ATG4B: variants seen among roughly 807,000 people sequenced by gnomAD.
ATG4B encodes the protein cysteine protease ATG4B.
Under a neutral mutation model 56.6 loss-of-function variants are expected in ATG4B, and 29 were observed. That is an observed-to-expected ratio of 0.51 (90% CI 0.38 to 0.70). The LOEUF is 0.70. ATG4B is among the 30% of genes least tolerant of loss of function. ATG4B has a pLI of 0.00. For missense variants in ATG4B, 461 were observed against 515.5 expected, an observed-to-expected ratio of 0.89 and a Z score of 1.02; for synonymous variants, 224 against 206.1, an observed-to-expected ratio of 1.09 and a Z score of -0.74.
chr2:241,648,609 A>G (rs757739985), intron 1 of ATG4B, among the ~76,000 whole-genome samples: 8 of 151,408 alleles, frequency 5.3e-5, no homozygotes, highest in Non-Finnish European at 1.0e-4. Flanking sequence ...AAAAAAAAGA[A>G]AAAAAAACAG....
chr2:241,640,068 C>T (rs2067838684), intron 1 of ATG4B, among the ~76,000 whole-genome samples: 1 of 152,154 alleles, frequency 6.6e-6, no homozygotes. Context: ...ATATGAGAGA[C>T]TTGGCTAAGG....
At chr2:241,654,448 TG>T in intron 4 of ATG4B, 97 bp from the exon 5 acceptor site, 1 of 684,438 alleles carries the variant, frequency 1.5e-6, no homozygotes, top group East Asian at 3.0e-5. Flanking sequence ...AAAAAGATTC[TG>T]AAAAAGGTTT....
chr2:241,651,466 A>T lies in ATG4B; in HGVS notation c.184+131A>T. On this transcript the variant is annotated intron_variant, in intron 3 of 12. Coordinates refer to ENST00000404914, the MANE Select transcript of ATG4B (RefSeq NM_013325.5). This position sits in a 1 kb window ranked among gnomAD's most constrained non-coding sequence, Gnocchi z 4.1. ...TCTTCACAGCAATCCTGCTTAACTG[A>T]ATTGGCCGAGGCCTCACGTGTAGTA... is the stretch of plus-strand genomic sequence containing the variant. 1.3e-6 allele frequency: 1 copy of T among 777,588 alleles called. No individual in the cohort carries two copies. The highest frequency in any genetic ancestry group is 2.7e-5 in the East Asian group (1 of 37,276). 48.2% of individuals were successfully genotyped at this position (777,588 alleles called of 1,614,324 possible).
intron 12 of ATG4B, 44 bp downstream of exon 12, chr2:241,671,449 C>T (rs375849748): frequency 3.1e-6 from 5 of 1,605,454 alleles, no homozygotes; most frequent in Non-Finnish European, 4.3e-6. Flanking sequence ...GAGGTACGAT[C>T]TGTGCCCTTG....
rs780611752 is a variant in ATG4B at position 241,673,663 on chromosome 2, C to A, written c.*1399C>A. On this transcript the variant is annotated 3_prime_UTR_variant, in exon 13 of 13. Coordinates refer to ENST00000404914, the MANE Select transcript of ATG4B (RefSeq NM_013325.5). ...AGGGAAGGCTGGTGCGATCTCCATT[C>A]CTTGGGCTCCACGTCCGAGTTCATG... 3.9e-5 allele frequency: 18 copies of A among 456,342 alleles called. No homozygotes were observed. The highest frequency in any genetic ancestry group is 1.4e-4 in the Admixed American group (6 of 42,546). 28.3% of individuals were successfully genotyped at this position (456,342 alleles called of 1,614,324 possible).
chr2:241,645,464 A>G (rs1332421737), intron 1 of ATG4B, among the ~76,000 whole-genome samples: 2 of 152,170 alleles, frequency 1.3e-5, no homozygotes, highest in East Asian at 3.9e-4. Context: ...CCTCCCATCC[A>G]TGCCGGTTCG....
intron 6 of ATG4B, among the ~76,000 whole-genome samples, chr2:241,657,281 CCT>C (rs2068437664): frequency 7.6e-6 from 1 of 132,112 alleles, no homozygotes. Flanking sequence ...GGCCAGGACT[CCT>C]CTCTTTCTTT....
At chr2:241,645,863 C>T (rs776102387) in intron 1 of ATG4B, among the ~76,000 whole-genome samples, 14 of 152,200 alleles carry the variant, frequency 9.2e-5, no homozygotes, top group African/African-American at 1.7e-4. Context: ...CGGGGAGGGC[C>T]GGAGTGCGTT....
At chr2:241,669,023 G>A (rs946859529) in intron 10 of ATG4B, among the ~76,000 whole-genome samples, 1 of 112,716 alleles carries the variant, frequency 8.9e-6, no homozygotes, top group African/African-American at 2.8e-5. Context: ...TTAAACACAC[G>A]GGCGGCCCCT....
At chr2:241,661,518 A>G (rs1283716746) in intron 7 of ATG4B, among the ~76,000 whole-genome samples, 1 of 152,154 alleles carries the variant, frequency 6.6e-6, no homozygotes, top group East Asian at 1.9e-4. Context: ...CGCAAAGCCG[A>G]AGCTAGAGAA....
At chr2:241,654,281 C>T (rs1165131407) in intron 4 of ATG4B, among the ~76,000 whole-genome samples, 1 of 151,858 alleles carries the variant, frequency 6.6e-6, no homozygotes, top group African/African-American at 2.4e-5. Context: ...ATTAGCTAGG[C>T]TTGGTGACAT....
rs1173787232 is a variant in ATG4B at position 241,668,006 on chromosome 2, T to C, written c.733-137T>C. The C allele has an allele frequency of 9.4e-6, 7 of 746,600 alleles. No homozygotes were observed. Among genetic ancestry groups the C allele is most frequent in the Non-Finnish European group, 1.3e-5 (6 of 464,560 alleles). The allele number at this position is 746,600 out of a possible 1,614,324, so 46.2% of individuals were successfully genotyped here. A position where few individuals can be genotyped will look rare whatever the true frequency, so the allele number is the denominator to read the frequency against. Reference sequence around the variant, plus strand: ...GGTCTTTCCTGGACAGTAAGCTCTTTGGTACCATGTCCCCTCCTGTCCCCT... The same window carrying C: ...GGTCTTTCCTGGACAGTAAGCTCTTCGGTACCATGTCCCCTCCTGTCCCCT... On this transcript the variant is annotated intron_variant, in intron 8 of 12. Coordinates refer to ENST00000404914, the MANE Select transcript of ATG4B (RefSeq NM_013325.5). The surrounding 1 kb of genome is among the most constrained non-coding windows in gnomAD (Gnocchi z 4.2).
At chr2:241,653,344 C>A in intron 3 of ATG4B, 168 bp from the exon 4 acceptor site, 1 of 1,549,756 alleles carries the variant, frequency 6.5e-7, no homozygotes. Context: ...GTAAATGTGG[C>A]CCTTGGCGTT....
At chr2:241,664,167 G>A (rs755375972) in intron 7 of ATG4B, among the ~76,000 whole-genome samples, 1 of 151,912 alleles carries the variant, frequency 6.6e-6, no homozygotes, top group Non-Finnish European at 1.5e-5. Context: ...AAATTTATTA[G>A]AACTAACACA....
chr2:241,673,608 C>T lies in ATG4B; in HGVS notation c.*1344C>T. 2.2e-6 allele frequency: 1 copy of T among 456,014 alleles called. No individual in the cohort carries two copies. The highest frequency in any genetic ancestry group is 1.6e-5 in the South Asian group (1 of 64,510). The allele number at this position is 456,014 out of a possible 1,614,324, so 28.2% of individuals were successfully genotyped here. A position where few individuals can be genotyped will look rare whatever the true frequency, so the allele number is the denominator to read the frequency against. On this transcript the variant is annotated 3_prime_UTR_variant, in exon 13 of 13. Coordinates refer to ENST00000404914, the MANE Select transcript of ATG4B (RefSeq NM_013325.5). ...CATAGTGTATTTCCTCGTATCCTTT[C>T]TCCCTTGGGTGTAGTTGGGGTGGGG...
chr2:241,671,692 G>A (rs1185185955), intron 12 of ATG4B: 1 of 1,367,452 alleles, frequency 7.3e-7, no homozygotes, highest in South Asian at 1.5e-5. Flanking sequence ...GGAGCAGACA[G>A]AACATGCAGG....
Position 241,655,299 on chromosome 2 carries a change from C to G in ATG4B, c.414C>G (p.Ser138=). Reference sequence around the variant, plus strand: ...AAATGGGAGTTGGCGAAGGCAAGTCCATAGGCCAGTGGTACGGGCCCAACA... The same window carrying G: ...AAATGGGAGTTGGCGAAGGCAAGTCGATAGGCCAGTGGTACGGGCCCAACA... The part of the protein sequence containing the change: ...IAQMGVGEGK[S]IGQWYGPNTV... Residue 138 remains serine (S), a synonymous_variant, in exon 6 of 13, where the codon TCC becomes TCG. Transcript: ENST00000404914. 1 of 1,612,308 alleles carries G rather than the reference C, an allele frequency of 6.2e-7. No homozygotes were observed. Among genetic ancestry groups the G allele is most frequent in the East Asian group, 2.2e-5 (1 of 44,800 alleles).
chr2:241,662,974 G>A (rs1260946310), intron 7 of ATG4B, among the ~76,000 whole-genome samples: 4 of 152,194 alleles, frequency 2.6e-5, no homozygotes, highest in Admixed American at 2.0e-4. Context: ...GGTGGCTCAC[G>A]CCTATAATCC....
rs575513030 is a variant in ATG4B, at chr2:241,661,676, C to T, written c.538+2489C>T. Among the ~76,000 whole-genome samples, 7 of 152,268 alleles carry T rather than the reference C, an allele frequency of 4.6e-5. No homozygotes were observed. The South Asian group carries it at 1.0e-3, about 23-fold the overall frequency. Reference sequence around the variant, plus strand: ...AGCGAAAGAGCTGCCTGACGGTGTTCCCACTCAGATTTTAGGTGAAGCCTG... The same window carrying T: ...AGCGAAAGAGCTGCCTGACGGTGTTTCCACTCAGATTTTAGGTGAAGCCTG... On this transcript the variant is annotated intron_variant, in intron 7 of 12. Coordinates refer to ENST00000404914, the MANE Select transcript of ATG4B (RefSeq NM_013325.5).
Sources: allele counts gnomAD v4.1 joint callset (sites outside exome capture counted in the v4.1 genomes callset), GRCh38; gene constraint gnomAD v4.1.1; non-coding constraint Gnocchi (gnomAD v3.1); transcripts MANE v1.5; gene names NCBI Gene and HGNC (gene_info 2026-07-23, HGNC 2026-07-21).